Variants in PGCKA1 observed in about 807,000 individuals in gnomAD.
The protein encoded by PGCKA1 is PDCD10 and GCKIII kinases-associated protein 1.
chr4:37,480,991 C>T, the PGCKA1 span, among the ~76,000 whole-genome samples: 22 of 152,268 alleles, frequency 1.4e-4, no homozygotes, highest in East Asian at 1.3e-3. Flanking sequence ...ATAATGTGCA[C>T]GTCAGCACAT....
At chr4:37,459,628 G>A in the PGCKA1 span, among the ~76,000 whole-genome samples, 1 of 152,070 alleles carries the variant, frequency 6.6e-6, no homozygotes, top group African/African-American at 2.4e-5. Flanking sequence ...GGAGCTTGTT[G>A]GAAATGCAGA....
At chr4:37,576,057 A>C in the PGCKA1 span, among the ~76,000 whole-genome samples, 15 of 152,126 alleles carry the variant, frequency 9.9e-5, no homozygotes, top group Non-Finnish European at 1.8e-4. Flanking sequence ...TTTTTCGCTC[A>C]GGATGGCTTT....
At chr4:37,519,867 C>T in the PGCKA1 span, among the ~76,000 whole-genome samples, 15 of 152,116 alleles carry the variant, frequency 9.9e-5, no homozygotes, top group Non-Finnish European at 1.3e-4. Flanking sequence ...TTTCACTTTT[C>T]GCCATTCAAT....
chr4:37,487,587 A>G, the PGCKA1 span, among the ~76,000 whole-genome samples: 5 of 152,208 alleles, frequency 3.3e-5, no homozygotes, highest in African/African-American at 1.2e-4. Flanking sequence ...AATTTCCATC[A>G]AGATATATAG....
the PGCKA1 span, among the ~76,000 whole-genome samples, chr4:37,514,082 A>G: frequency 2.6e-5 from 4 of 152,230 alleles, no homozygotes; most frequent in Non-Finnish European, 2.9e-5. Context: ...TTCTTTCAGC[A>G]CCTGGGAGCA....
the PGCKA1 span, among the ~76,000 whole-genome samples, chr4:37,502,627 G>A: frequency 1.1e-4 from 16 of 152,194 alleles, no homozygotes; most frequent in South Asian, 6.2e-4. Context: ...CACAGGGTGC[G>A]TGCGCACATG....
chr4:37,500,084 G>A, the PGCKA1 span, among the ~76,000 whole-genome samples: 6 of 151,696 alleles, frequency 4.0e-5, no homozygotes, highest in African/African-American at 7.3e-5. Flanking sequence ...CACCATGCCC[G>A]GCTAATTTTT....
chr4:37,573,780 T>G, the PGCKA1 span, among the ~76,000 whole-genome samples: 3 of 152,256 alleles, frequency 2.0e-5, no homozygotes, highest in Admixed American at 2.0e-4. Flanking sequence ...TCAGAGATTA[T>G]GCATAGTTTC....
the PGCKA1 span, among the ~76,000 whole-genome samples, chr4:37,535,161 C>T: frequency 2.6e-4 from 39 of 152,236 alleles, no homozygotes; most frequent in East Asian, 4.4e-3. Flanking sequence ...GAGGGCTTTC[C>T]GGAGAGAAGG....
chr4:37,462,879 C>A, the PGCKA1 span, among the ~76,000 whole-genome samples: 1 of 150,100 alleles, frequency 6.7e-6, no homozygotes, highest in East Asian at 2.0e-4. Flanking sequence ...GCCTGTAGTC[C>A]CAGCTACTCG....
chr4:37,580,395 C>T, the PGCKA1 span, among the ~76,000 whole-genome samples: 3 of 149,860 alleles, frequency 2.0e-5, no homozygotes. Context: ...ATAGTCTTTC[C>T]AGTTTGGGCT....
the PGCKA1 span, among the ~76,000 whole-genome samples, chr4:37,467,849 A>G: frequency 2.6e-5 from 4 of 152,230 alleles, no homozygotes; most frequent in Non-Finnish European, 4.4e-5. Flanking sequence ...CATGCAGTAC[A>G]ACAATTGACA....
chr4:37,550,678 A>G, the PGCKA1 span, among the ~76,000 whole-genome samples: 1 of 152,222 alleles, frequency 6.6e-6, no homozygotes. Flanking sequence ...CAGACTTTCT[A>G]TGATGAACTA....
the PGCKA1 span, among the ~76,000 whole-genome samples, chr4:37,505,001 T>C: frequency 6.6e-6 from 1 of 152,328 alleles, no homozygotes; most frequent in East Asian, 1.9e-4. Context: ...ATGTTCCAGA[T>C]CTTAGAGGAA....
chr4:37,485,274 A>C, the PGCKA1 span, among the ~76,000 whole-genome samples: 1 of 152,184 alleles, frequency 6.6e-6, no homozygotes, highest in South Asian at 2.1e-4. Context: ...TGAGTTAGAC[A>C]CTTAATCCCC....
At chr4:37,517,814 T>A in the PGCKA1 span, among the ~76,000 whole-genome samples, 1 of 152,234 alleles carries the variant, frequency 6.6e-6, no homozygotes, top group African/African-American at 2.4e-5. Context: ...TTATTGACTA[T>A]AGTCACCCTC....
chr4:37,461,583 G>A, the PGCKA1 span, among the ~76,000 whole-genome samples: 8 of 151,990 alleles, frequency 5.3e-5, no homozygotes, highest in Non-Finnish European at 1.0e-4. Flanking sequence ...AAGCTTGGAC[G>A]CTGGGCTGGA....
At chr4:37,570,146 A>ATTTTTTTTTTTTTTTTTTT in the PGCKA1 span, among the ~76,000 whole-genome samples, 1 of 78,930 alleles carries the variant, frequency 1.3e-5, no homozygotes, top group Non-Finnish European at 2.2e-5. Context: ...CGCCTGGCTA[A>ATTTTTTTTTTTTTTTTTTT]TTTTTTTTTT....
At chr4:37,489,761 CAATGAT>C in the PGCKA1 span, among the ~76,000 whole-genome samples, 1 of 152,168 alleles carries the variant, frequency 6.6e-6, no homozygotes, top group South Asian at 2.1e-4. Context: ...TTCCCTAAAC[CAATGAT>C]TAGACTCCTT....
Sources: gnomAD v4.1 joint callset for allele counts (sites outside exome capture counted in the v4.1 genomes callset) on GRCh38, gnomAD v4.1.1 for gene constraint, MANE v1.5 for transcripts, NCBI Gene and HGNC (gene_info 2026-07-23, HGNC 2026-07-21) for gene names.